NELL1: variants seen among roughly 807,000 people sequenced by gnomAD.
NELL1 encodes neural EGFL like 1.
NELL1 carries 76 observed loss-of-function variants against 107.4 expected under a neutral mutation model. That is an observed-to-expected ratio of 0.71 (90% CI 0.59 to 0.86). The LOEUF is 0.86. Among genes scored for constraint, NELL1 ranks in the 40% least tolerant of loss-of-function variants. The pLI, the probability that NELL1 is intolerant of heterozygous loss-of-function variation, is 0.00. For missense variants in NELL1, 1,024 were observed against 1,005.5 expected (o/e 1.02, Z -0.25); for synonymous variants, 353 against 341.2 (o/e 1.03, Z -0.38).
chr11:21,515,320 G>GA (rs141926775), intron 15 of NELL1, among the ~76,000 whole-genome samples: 1 of 151,926 alleles, frequency 6.6e-6, no homozygotes, highest in Non-Finnish European at 1.5e-5. Context: ...ATTACTGAAA[G>GA]AAAAAAGACA....
intron 12 of NELL1, among the ~76,000 whole-genome samples, chr11:21,045,791 A>G (rs1022473966): frequency 6.6e-6 from 1 of 152,188 alleles, no homozygotes; most frequent in Non-Finnish European, 1.5e-5. Context: ...ATATAATTAA[A>G]TTTCAGAATA....
chr11:21,031,853 A>G (rs914176578), intron 12 of NELL1, among the ~76,000 whole-genome samples: 2 of 151,874 alleles, frequency 1.3e-5, no homozygotes, highest in African/African-American at 4.8e-5. Context: ...GTGCGAGATC[A>G]GCCAACATGA....
At position 21,423,012 on chromosome 11, in the gene NELL1, T is replaced by TA. The variant is rs543502634; in HGVS notation, c.1645+52072dup. Among the ~76,000 whole-genome samples the TA allele has an allele frequency of 1.3e-4, 19 of 151,830 alleles. No homozygotes were observed. The East Asian group carries it at 2.3e-3, about 19-fold the overall frequency. On this transcript the variant is annotated intron_variant, in intron 15 of 19. Coordinates refer to ENST00000357134, the MANE Select transcript of NELL1 (RefSeq NM_006157.5). ...GGAAAAAGATATTCCACGCTCATAGTAAAAAAAAGTGAACATGGGTTGCTA... is the reference window on the plus strand; with the variant it reads ...GGAAAAAGATATTCCACGCTCATAGTAAAAAAAAAGTGAACATGGGTTGCTA...
At chr11:21,079,558 C>T (rs1854217342) in intron 12 of NELL1, among the ~76,000 whole-genome samples, 1 of 151,934 alleles carries the variant, frequency 6.6e-6, no homozygotes, top group South Asian at 2.1e-4. Context: ...CAAAAGTTTC[C>T]ACAAACCAAG....
At position 20,810,983 on chromosome 11, in the gene NELL1, T is replaced by A. The variant is rs146932325; in HGVS notation, c.335+27153T>A. On this transcript the variant is annotated intron_variant, in intron 3 of 19. Coordinates refer to ENST00000357134, the MANE Select transcript of NELL1 (RefSeq NM_006157.5). ...GCTCTGTTGATTGTTTCCTTTGATG[T>A]GCAGAAGGCTTTAGTTTGATACAAT... 6.3e-3 allele frequency among the ~76,000 whole-genome samples: 953 copies of A among 152,304 alleles called. 18 individuals are homozygous for A. The highest frequency in any genetic ancestry group is 0.022 in the African/African-American group (895 of 41,572).
intron 13 of NELL1, among the ~76,000 whole-genome samples, chr11:21,190,350 TCC>T (rs1857023308): frequency 6.6e-6 from 1 of 151,750 alleles, no homozygotes; most frequent in South Asian, 2.1e-4. Context: ...AGACTCTGTC[TCC>T]AAAACAAAAA....
chr11:20,970,760 A>G (rs1851483062), intron 12 of NELL1, among the ~76,000 whole-genome samples: 1 of 150,646 alleles, frequency 6.6e-6, no homozygotes, highest in African/African-American at 2.5e-5. Context: ...TGGATGGGGA[A>G]AAGCATTTTG....
chr11:21,104,858 T>C (rs894428833), intron 12 of NELL1, among the ~76,000 whole-genome samples: 1 of 152,194 alleles, frequency 6.6e-6, no homozygotes, highest in Non-Finnish European at 1.5e-5. Context: ...GGCGCCAGCA[T>C]GGTCAGGGTC....
chr11:20,720,148 T>C lies in NELL1; in HGVS notation c.184+42088T>C, dbSNP rs1268086922. The stretch of plus-strand genomic sequence containing the variant: ...GCTTTTGATACTACAAGCTCTGGAA[T>C]TTCTGGACTCTATTTCCTTTCATTT... On this transcript the variant is annotated intron_variant, in intron 2 of 19. Coordinates refer to ENST00000357134, the MANE Select transcript of NELL1 (RefSeq NM_006157.5). Among the ~76,000 whole-genome samples, 3 of 152,124 alleles carry C rather than the reference T, an allele frequency of 2.0e-5. No individual in the cohort carries two copies. The East Asian group carries it at 5.8e-4, about 29-fold the overall frequency.
At chr11:21,265,974 G>GC (rs1479557996) in intron 14 of NELL1, among the ~76,000 whole-genome samples, 3 of 151,932 alleles carry the variant, frequency 2.0e-5, no homozygotes, top group African/African-American at 7.3e-5. Flanking sequence ...AAACAGGAAT[G>GC]CTTAGTGTAC....
At chr11:21,403,357 T>A (rs1378891940) in intron 15 of NELL1, among the ~76,000 whole-genome samples, 1 of 151,718 alleles carries the variant, frequency 6.6e-6, no homozygotes, top group Non-Finnish European at 1.5e-5. Flanking sequence ...GCTTTACAAG[T>A]GACAGAAATC....
intron 16 of NELL1, among the ~76,000 whole-genome samples, chr11:21,556,030 G>A (rs531486163): frequency 1.3e-5 from 2 of 151,960 alleles, no homozygotes; most frequent in South Asian, 2.1e-4. Flanking sequence ...CTTCAGATTC[G>A]CTACTTATTT....
intron 4 of NELL1, among the ~76,000 whole-genome samples, chr11:20,883,000 A>G (rs1451955763): frequency 6.6e-6 from 1 of 152,150 alleles, no homozygotes; most frequent in Non-Finnish European, 1.5e-5. Context: ...CCTCCTCAGC[A>G]AGTTTTCTTT....
intron 12 of NELL1, among the ~76,000 whole-genome samples, chr11:21,080,532 C>T (rs978916768): frequency 2.6e-5 from 4 of 151,872 alleles, no homozygotes; most frequent in African/African-American, 9.7e-5. Context: ...CTTTCTATGC[C>T]TATATTGTAT....
At chr11:21,533,580 G>A (rs1039366993) in intron 15 of NELL1, among the ~76,000 whole-genome samples, 1 of 152,154 alleles carries the variant, frequency 6.6e-6, no homozygotes, top group African/African-American at 2.4e-5. Flanking sequence ...GCAAGGCTTT[G>A]TGCTAGAAAA....
intron 2 of NELL1, among the ~76,000 whole-genome samples, chr11:20,773,103 G>C (rs936676559): frequency 6.6e-6 from 1 of 152,190 alleles, no homozygotes; most frequent in Non-Finnish European, 1.5e-5. Context: ...CACTAACCAT[G>C]CCTCCAACCC....
At chr11:20,945,611 G>A (rs1850946799) in intron 10 of NELL1, among the ~76,000 whole-genome samples, 1 of 152,202 alleles carries the variant, frequency 6.6e-6, no homozygotes, top group South Asian at 2.1e-4. Flanking sequence ...TTGAAGGATA[G>A]ACTTAGAGGC....
chr11:20,921,472 T>C (rs538539392), intron 7 of NELL1, among the ~76,000 whole-genome samples: 1 of 152,194 alleles, frequency 6.6e-6, no homozygotes, highest in Non-Finnish European at 1.5e-5. Context: ...TAAACTCAGG[T>C]AGTTAGATCC....
intron 14 of NELL1, among the ~76,000 whole-genome samples, chr11:21,323,716 AT>A (rs1280430605): frequency 6.6e-6 from 1 of 151,946 alleles, no homozygotes; most frequent in Non-Finnish European, 1.5e-5. Context: ...ACCCTCTTTT[AT>A]TTTACAACAC....
Sources: allele counts gnomAD v4.1 joint callset (sites outside exome capture counted in the v4.1 genomes callset), GRCh38; gene constraint gnomAD v4.1.1; transcripts MANE v1.5; gene names NCBI Gene and HGNC (gene_info 2026-07-23, HGNC 2026-07-21).